The following EDIL3 variants were observed in gnomAD, a reference collection of about 807,000 sequenced individuals.
The protein encoded by EDIL3 is EGF-like repeat and discoidin I-like domain-containing protein 3.
In EDIL3, 37 loss-of-function variants were observed where a neutral mutation model predicts 67.4. The observed-to-expected ratio is 0.55, with a 90% CI of 0.42 to 0.72. EDIL3 has a LOEUF of 0.72. Among genes scored for constraint, EDIL3 ranks in the 30% least tolerant of loss-of-function variants. The probability of loss-of-function intolerance (pLI) is 0.00; values close to 1 mark genes in which losing one functional copy is unlikely to be tolerated. For synonymous variants in EDIL3, 195 were observed against 196.3 expected, an observed-to-expected ratio of 0.99 and a Z score of 0.05; for missense variants, 527 against 586.3, an observed-to-expected ratio of 0.90 and a Z score of 1.04.
At chr5:84,094,051 T>C (rs1002808529) in intron 6 of EDIL3, among the ~76,000 whole-genome samples, 1 of 152,144 alleles carries the variant, frequency 6.6e-6, no homozygotes, top group African/African-American at 2.4e-5. Context: ...CACAGCTTTT[T>C]AGAGAAAAAA....
At chr5:84,139,731 G>T (rs1465262073) in intron 4 of EDIL3, among the ~76,000 whole-genome samples, 1 of 152,108 alleles carries the variant, frequency 6.6e-6, no homozygotes, top group Non-Finnish European at 1.5e-5. Context: ...TTAGAGAGAG[G>T]AAACTAAGTG....
At chr5:83,962,292 CT>C (rs1744617612) in intron 10 of EDIL3, among the ~76,000 whole-genome samples, 1 of 151,434 alleles carries the variant, frequency 6.6e-6, no homozygotes, top group African/African-American at 2.4e-5. Flanking sequence ...GTGTTATATT[CT>C]CCTCCAAATC....
At chr5:84,340,532 C>CTATATA (rs1554043229) in intron 1 of EDIL3, among the ~76,000 whole-genome samples, 15 of 66,588 alleles carry the variant, frequency 2.3e-4, no homozygotes, top group Non-Finnish European at 3.0e-4. Context: ...CTCTCTCTCT[C>CTATATA]TCTATATATA....
chr5:84,312,799 TA>T (rs1746434877), intron 1 of EDIL3, among the ~76,000 whole-genome samples: 1 of 152,240 alleles, frequency 6.6e-6, no homozygotes, highest in Admixed American at 6.5e-5. Flanking sequence ...GTACATAAAA[TA>T]ATCCATCAAA....
intron 3 of EDIL3, among the ~76,000 whole-genome samples, chr5:84,223,381 C>T (rs1182116628): frequency 1.3e-5 from 2 of 151,482 alleles, no homozygotes; most frequent in Admixed American, 1.3e-4. Context: ...TTTTAATCAA[C>T]CTGAGTGTCC....
intron 1 of EDIL3, among the ~76,000 whole-genome samples, chr5:84,287,990 C>A (rs770153414): frequency 6.6e-6 from 1 of 152,126 alleles, no homozygotes. Context: ...AAGACTCTAA[C>A]ATTTTTGCTA....
At chr5:84,333,608 T>C (rs1022321808) in intron 1 of EDIL3, among the ~76,000 whole-genome samples, 1 of 152,134 alleles carries the variant, frequency 6.6e-6, no homozygotes. Flanking sequence ...TTGTTTTTCA[T>C]TTTTTAAATT....
At chr5:83,992,571 A>G (rs1475974816) in intron 9 of EDIL3, among the ~76,000 whole-genome samples, 1 of 152,160 alleles carries the variant, frequency 6.6e-6, no homozygotes, top group Non-Finnish European at 1.5e-5. Flanking sequence ...ACAAGCACCA[A>G]TGGTTTAAAT....
At chr5:84,359,786 G>A (rs1035389465) in intron 1 of EDIL3, among the ~76,000 whole-genome samples, 1 of 152,132 alleles carries the variant, frequency 6.6e-6, no homozygotes, top group Non-Finnish European at 1.5e-5. Flanking sequence ...CACTATCTGA[G>A]AGAATAGGAA....
intron 1 of EDIL3, among the ~76,000 whole-genome samples, chr5:84,315,043 T>C (rs1375663226): frequency 6.6e-6 from 1 of 152,196 alleles, no homozygotes; most frequent in East Asian, 1.9e-4. Context: ...CCTTCTAGTT[T>C]AACAGAAGTT....
chr5:84,044,987 A>G lies in EDIL3; in HGVS notation c.1137+15313T>C, dbSNP rs1746195547. Among the ~76,000 whole-genome samples, 3 of 152,322 alleles carry G rather than the reference A, an allele frequency of 2.0e-5. No individual in the cohort carries two copies. In the South Asian group the frequency reaches 6.2e-4, roughly 32 times the overall value. On this transcript the variant is annotated intron_variant, in intron 9 of 10. Transcript: ENST00000296591. ...CTCAAGACTGGGTAATTTACAAAGA[A>G]AAAAAGGTTTAATGGACTCACAGTT...
chr5:84,133,741 T>C (rs1479236232), intron 5 of EDIL3, among the ~76,000 whole-genome samples: 4 of 152,116 alleles, frequency 2.6e-5, no homozygotes, highest in South Asian at 4.1e-4. Flanking sequence ...GATTTTCACA[T>C]ATTAAACGTA....
At chr5:84,273,155 T>C (rs1697348141) in intron 1 of EDIL3, among the ~76,000 whole-genome samples, 2 of 152,280 alleles carry the variant, frequency 1.3e-5, no homozygotes, top group South Asian at 4.1e-4. Flanking sequence ...CATCCTTTAG[T>C]AAGAGCAAGG....
intron 4 of EDIL3, among the ~76,000 whole-genome samples, chr5:84,179,598 T>A (rs919693816): frequency 6.6e-6 from 1 of 152,174 alleles, no homozygotes. Flanking sequence ...TACCCATCAA[T>A]ACAGTAATCA....
intron 9 of EDIL3, among the ~76,000 whole-genome samples, chr5:84,023,725 T>C (rs1745759056): frequency 6.6e-6 from 1 of 152,106 alleles, no homozygotes; most frequent in Non-Finnish European, 1.5e-5. Context: ...AACAACTGGG[T>C]ATCAAGGTTC....
At chr5:84,237,432 A>T (rs1744703977) in intron 2 of EDIL3, among the ~76,000 whole-genome samples, 1 of 152,142 alleles carries the variant, frequency 6.6e-6, no homozygotes, top group African/African-American at 2.4e-5. Context: ...TAAGGTTTGC[A>T]TTAGAAAATA....
At chr5:84,000,207 G>A (rs962360567) in intron 9 of EDIL3, among the ~76,000 whole-genome samples, 3 of 151,840 alleles carry the variant, frequency 2.0e-5, no homozygotes, top group African/African-American at 7.3e-5. Context: ...TCATCTGAAG[G>A]TACAAAACTC....
Position 84,106,756 on chromosome 5 carries a change from C to T in EDIL3, c.544G>A (p.Ala182Thr), listed in dbSNP as rs1007797057. The T allele has an allele frequency of 3.1e-6, 5 of 1,613,492 alleles. No individual in the cohort carries two copies. Among genetic ancestry groups the T allele is most frequent in the Non-Finnish European group, 4.2e-6 (5 of 1,179,660 alleles). The change falls in exon 6 of 11, where the codon GCT (alanine) becomes ACT (threonine). Residue 182 changes from alanine (A) to threonine (T), a missense_variant. Around this residue, in one of 2 missense-constraint regions of EDIL3, gnomAD observed 494 missense variants for 522.5 expected, o/e 0.95. Transcript: ENST00000296591. ...TACCATTTTTGGAGTCCAAAAAGAG[C>T]TCGGTGAGTAGAGGAAGCTGTGATT... ...QQITASSTHR[A>T]LFGLQKWYPY...
intron 1 of EDIL3, among the ~76,000 whole-genome samples, chr5:84,256,888 T>A (rs529064251): frequency 5.1e-4 from 77 of 152,280 alleles, no homozygotes; most frequent in African/African-American, 1.7e-3. Flanking sequence ...AAAAGAGGCA[T>A]CATTTAATAT....
Sources: allele counts gnomAD v4.1 joint callset (sites outside exome capture counted in the v4.1 genomes callset), GRCh38; gene constraint gnomAD v4.1.1; regional missense constraint gnomAD v4.1.1; transcripts MANE v1.5; gene names NCBI Gene and HGNC (gene_info 2026-07-23, HGNC 2026-07-21).